The following ASTN2 variants were observed in gnomAD, a reference collection of about 807,000 sequenced individuals.
The protein encoded by ASTN2 is astrotactin 2.
ASTN2 carries 54 observed loss-of-function variants against 139.8 expected under a neutral mutation model. That is an observed-to-expected ratio of 0.39 (90% confidence interval 0.31 to 0.48). The LOEUF is 0.48. ASTN2 is among the 20% of genes least tolerant of loss of function. The pLI is 0.95. For synonymous variants in ASTN2, 756 were observed against 719.5 expected (o/e 1.05, Z -0.81); for missense variants, 1,565 against 1,725.1 (o/e 0.91, Z 1.64).
chr9:117,214,450 A>C lies in ASTN2; in HGVS notation c.923T>G (p.Val308Gly), dbSNP rs908795280. 3 of 1,614,042 alleles carry C rather than the reference A, an allele frequency of 1.9e-6. No homozygotes were observed. Among genetic ancestry groups the C allele is most frequent in the Non-Finnish European group, 2.5e-6 (3 of 1,179,972 alleles). ...DEEPPRRANH[V>G]SREDEFGSQV... ...GCTGCCAAACTCGTCCTCGCGGGAG[A>C]CATGGTTGGCCCGCCTAGGTGGCTC... The change falls in exon 3 of 23, where the codon GTC becomes GGC. Residue 308 changes from valine to glycine, a missense_variant. Physicochemically the swap from Val to Gly is moderately radical, Grantham distance 109. This residue lies in a region of ASTN2 where 596 missense variants were observed against 576.8 expected (regional missense o/e 1.03). Coordinates refer to ENST00000313400, the MANE Select transcript of ASTN2 (RefSeq NM_001365068.1).
chr9:117,150,704 A>AT (rs1194782266), intron 3 of ASTN2, among the ~76,000 whole-genome samples: 1 of 152,098 alleles, frequency 6.6e-6, no homozygotes, highest in Admixed American at 6.6e-5. Context: ...GAGTAAGCAC[A>AT]TTTTTTAAGA....
chr9:116,673,361 T>C (rs1176201046), intron 16 of ASTN2, among the ~76,000 whole-genome samples: 1 of 152,222 alleles, frequency 6.6e-6, no homozygotes, highest in Non-Finnish European at 1.5e-5. Context: ...TTGTTATCCC[T>C]ATTTTAAAGA....
At chr9:116,917,410 CATGCACAGGGCTTAGATTACTATAG>C (rs1834479850) in intron 10 of ASTN2, among the ~76,000 whole-genome samples, 1 of 152,146 alleles carries the variant, frequency 6.6e-6, no homozygotes, top group African/African-American at 2.4e-5. Context: ...CCCCCCGTTC[CATGCACAGGGCTTAGATTACTATAG>C]ATGACCCATC....
chr9:117,239,992 C>A (rs1833158904), intron 2 of ASTN2, among the ~76,000 whole-genome samples: 1 of 152,192 alleles, frequency 6.6e-6, no homozygotes, highest in South Asian at 2.1e-4. Flanking sequence ...CTGATAAACC[C>A]ATTTTATGTC....
At chr9:116,679,986 A>G (rs1336423995) in intron 16 of ASTN2, among the ~76,000 whole-genome samples, 1 of 152,198 alleles carries the variant, frequency 6.6e-6, no homozygotes, top group East Asian at 1.9e-4. Context: ...GAGCAAACAC[A>G]TTCAAAAGCT....
chr9:116,799,549 G>C (rs555782894), intron 13 of ASTN2, among the ~76,000 whole-genome samples: 15 of 152,138 alleles, frequency 9.9e-5, no homozygotes, highest in African/African-American at 3.6e-4. Context: ...AATTTGCTCA[G>C]TCCCCATTCC....
intron 2 of ASTN2, among the ~76,000 whole-genome samples, chr9:117,231,272 C>G (rs1232479867): frequency 1.3e-5 from 2 of 152,240 alleles, no homozygotes; most frequent in Non-Finnish European, 2.9e-5. Context: ...GCCAAGATTA[C>G]AGCTGTCTAC....
chr9:116,650,016 C>G (rs700149), intron 17 of ASTN2, among the ~76,000 whole-genome samples: 79,986 of 152,000 alleles, frequency 0.53, 22,175 homozygotes, highest in East Asian at 0.86. Context: ...TCTCCCATGC[C>G]TTCTCTTTCC....
chr9:117,280,791 G>C (rs998340146), intron 2 of ASTN2, among the ~76,000 whole-genome samples: 1 of 152,130 alleles, frequency 6.6e-6, no homozygotes, highest in African/African-American at 2.4e-5. Flanking sequence ...CCACTGTAAA[G>C]TCACTATTTT....
chr9:116,512,767 T>C (rs887860843), intron 19 of ASTN2, among the ~76,000 whole-genome samples: 1 of 152,230 alleles, frequency 6.6e-6, no homozygotes, highest in Non-Finnish European at 1.5e-5. Context: ...TGGCCTTCTT[T>C]GTCTCTTTTG....
intron 19 of ASTN2, among the ~76,000 whole-genome samples, chr9:116,589,186 A>T (rs541009517): frequency 5.6e-4 from 85 of 152,314 alleles, no homozygotes; most frequent in South Asian, 1.2e-3. Context: ...AGGTAGGAGG[A>T]ATGAAAGAGA....
chr9:116,886,874 G>A (rs1404467144), intron 10 of ASTN2, among the ~76,000 whole-genome samples: 1 of 152,100 alleles, frequency 6.6e-6, no homozygotes, highest in African/African-American at 2.4e-5. Context: ...AAAGACTTAT[G>A]TGGTTTAAGA....
chr9:116,827,306 TC>T (rs372957184), intron 11 of ASTN2, among the ~76,000 whole-genome samples: 4 of 48,690 alleles, frequency 8.2e-5, no homozygotes, highest in African/African-American at 3.0e-4. Context: ...CAAAACTCCA[TC>T]CCCCCCAAAA....
At chr9:116,887,200 A>G (rs1220928888) in intron 10 of ASTN2, among the ~76,000 whole-genome samples, 1 of 152,154 alleles carries the variant, frequency 6.6e-6, no homozygotes. Context: ...GGCAAATTCA[A>G]CAATGGCTGA....
At chr9:116,679,444 C>T (rs1045881059) in intron 16 of ASTN2, among the ~76,000 whole-genome samples, 4 of 151,898 alleles carry the variant, frequency 2.6e-5, no homozygotes, top group Non-Finnish European at 4.4e-5. Flanking sequence ...GCGTATGTTC[C>T]GAAATTATGT....
At chr9:117,051,307 G>C (rs939746547) in intron 5 of ASTN2, among the ~76,000 whole-genome samples, 1 of 152,054 alleles carries the variant, frequency 6.6e-6, no homozygotes, top group African/African-American at 2.4e-5. Context: ...ATATTTTACA[G>C]ATATTATTTT....
chr9:117,063,961 C>T (rs986615741), intron 5 of ASTN2, among the ~76,000 whole-genome samples: 8 of 151,966 alleles, frequency 5.3e-5, no homozygotes, highest in African/African-American at 1.9e-4. Context: ...GGGGCTGCTC[C>T]AACAGCTTTC....
At chr9:117,332,507 A>G (rs1828745647) in intron 1 of ASTN2, among the ~76,000 whole-genome samples, 1 of 152,200 alleles carries the variant, frequency 6.6e-6, no homozygotes, top group African/African-American at 2.4e-5. Context: ...CAGAGTTTGC[A>G]GTGAACCAAG....
intron 20 of ASTN2, among the ~76,000 whole-genome samples, chr9:116,455,917 A>G (rs1848319600): frequency 6.6e-6 from 1 of 152,150 alleles, no homozygotes. Flanking sequence ...TATTATACCA[A>G]ATGGGGAAAA....
Sources: allele counts gnomAD v4.1 joint callset (sites outside exome capture counted in the v4.1 genomes callset), GRCh38; gene constraint gnomAD v4.1.1; regional missense constraint gnomAD v4.1.1; transcripts MANE v1.5; gene names NCBI Gene and HGNC (gene_info 2026-07-23, HGNC 2026-07-21).